The following SACS variants were observed in gnomAD, a reference collection of about 807,000 sequenced individuals.
SACS encodes sacsin molecular chaperone.
SACS carries 197 observed loss-of-function variants against 348.0 expected under a neutral mutation model. The observed-to-expected ratio is 0.57, with a 90% confidence interval of 0.50 to 0.64. SACS has a LOEUF of 0.64. SACS is among the 30% of genes least tolerant of loss of function. SACS has a pLI of 0.00. For synonymous variants in SACS, 1,985 were observed against 1,910.6 expected (o/e 1.04, Z -1.02); for missense variants, 4,999 against 5,360.8 (o/e 0.93, Z 2.11).
chr13:23,343,933 A>G (rs1443595727), intron 9 of SACS, among the ~76,000 whole-genome samples: 7 of 152,202 alleles, frequency 4.6e-5, no homozygotes, highest in Non-Finnish European at 1.0e-4. Flanking sequence ...CAACTTTAGG[A>G]AGGTGTCAAT....
At chr13:23,373,900 C>A (rs1871567021) in intron 3 of SACS, 1 of 153,084 alleles carries the variant, frequency 6.5e-6, no homozygotes, top group South Asian at 2.0e-4. Context: ...CATCAGGAGC[C>A]TCCTCTGCAA....
intron 1 of SACS, among the ~76,000 whole-genome samples, chr13:23,412,436 C>T: frequency 7.6e-6 from 1 of 131,226 alleles, no homozygotes; most frequent in Admixed American, 8.5e-5. Context: ...TTCTCTGAGA[C>T]AGAGCCTCCC....
chr13:23,334,845 T>C lies in SACS; in HGVS notation c.9031A>G (p.Ile3011Val), dbSNP rs377657177. The change falls in exon 10 of 10, where the codon ATA becomes GTA. Residue 3011 changes from isoleucine to valine, a missense_variant. By Grantham distance (29) the Ile-to-Val change is conservative. This residue lies in a region of SACS where 734 missense variants were observed against 694.0 expected (regional missense o/e 1.06). Coordinates refer to ENST00000382292, the MANE Select transcript of SACS (RefSeq NM_014363.6). ...IDGSDLHSAV[I>V]ITWINMSTSN... ...GTAGACATATTGATCCAAGTAATTA[T>C]AACTGCAGAGTGCAAGTCAGAGCCA... is the stretch of plus-strand genomic sequence containing the variant. 6.4e-5 allele frequency: 104 copies of C among 1,613,742 alleles called. No individual in the cohort carries two copies. The highest frequency in any genetic ancestry group is 8.2e-5 in the Non-Finnish European group (97 of 1,179,840).
chr13:23,337,796 A>G lies in SACS; in HGVS notation c.6080T>C (p.Val2027Ala). 6.2e-7 allele frequency: 1 copy of G among 1,613,970 alleles called. No homozygotes were observed. The highest frequency in any genetic ancestry group is 8.5e-7 in the Non-Finnish European group (1 of 1,179,960). ...KKTGSKNLCA[V>A]ELPSSVKLGF... ...TAATTTTACCGAAGAAGGAAGTTCA[A>G]CAGCACAAAGGTTTTTGGACCCAGT... The change falls in exon 10 of 10, where the codon GTT (valine) becomes GCT (alanine). Residue 2027 changes from valine (V) to alanine (A), a missense_variant. By Grantham distance (64) the Val-to-Ala change is moderately conservative. Coordinates refer to ENST00000382292, the MANE Select transcript of SACS (RefSeq NM_014363.6).
Position 23,358,342 on chromosome 13 carries a change from A to G in SACS, c.597T>C (p.His199=), listed in dbSNP as rs768182064. The change falls in exon 7 of 10, where the codon CAT becomes CAC. Residue 199 remains histidine, a synonymous_variant. Transcript: ENST00000382292. ...RFGIGFNSVY[H]ITDVPCIFSG... ...AAAAGCCTAATACTCTACCTGTTAT[A>G]TGATAGACAGAATTAAACCCAATTC... 2 of 1,613,930 alleles carry G rather than the reference A, an allele frequency of 1.2e-6. No homozygotes were observed. The highest frequency in any genetic ancestry group is 1.7e-6 in the Non-Finnish European group (2 of 1,179,770).
intron 1 of SACS, among the ~76,000 whole-genome samples, chr13:23,413,316 G>A (rs911926239): frequency 6.6e-6 from 1 of 152,166 alleles, no homozygotes; most frequent in Admixed American, 6.5e-5. Context: ...AGGGACACAT[G>A]AGACTGCACT....
Position 23,334,281 on chromosome 13 carries a change from T to G in SACS, c.9595A>C (p.Ile3199Leu). Residue 3199 changes from isoleucine to leucine, a missense_variant, in exon 10 of 10, where the codon ATT (isoleucine) becomes CTT (leucine). Around this residue, in one of 6 missense-constraint regions of SACS, gnomAD observed 734 missense variants for 694.0 expected, o/e 1.06. Transcript: ENST00000382292. ...MNTLYLKYSNILLNCKVAKVF... is the reference protein window; with the variant it reads ...MNTLYLKYSNLLLNCKVAKVF... ...TTTGCAACTTTACAGTTCAATAAAA[T>G]ATTACTATATTTCAAATATAATGTA... 6.2e-7 allele frequency: 1 copy of G among 1,602,406 alleles called. No individual in the cohort carries two copies. Among genetic ancestry groups the G allele is most frequent in the Non-Finnish European group, 8.5e-7 (1 of 1,174,026 alleles).
chr13:23,401,217 G>C (rs1004268072), intron 2 of SACS, among the ~76,000 whole-genome samples: 20 of 152,178 alleles, frequency 1.3e-4, no homozygotes, highest in African/African-American at 4.8e-4. Context: ...GAAAACTCAA[G>C]CTGGGAACTG....
chr13:23,358,614 C>T, intron 6 of SACS, 133 bp from the exon 7 acceptor site: 1 of 879,858 alleles, frequency 1.1e-6, no homozygotes, highest in Non-Finnish European at 1.8e-6. Flanking sequence ...GACTGAATTC[C>T]ACACTATAAT....
Position 23,330,799 on chromosome 13 carries a change from G to C in SACS, c.13077C>G (p.Ile4359Met). ...GAAAAGCCTGTTTTTCTAATCTGTTGATTTCATTCTGCAAATGTTTAAAAA... is the reference window on the plus strand; with the variant it reads ...GAAAAGCCTGTTTTTCTAATCTGTTCATTTCATTCTGCAAATGTTTAAAAA... ...NEVFKHLQNE[I>M]NRLEKQAFLD... Residue 4359 changes from isoleucine to methionine, a missense_variant, in exon 10 of 10, where the codon ATC becomes ATG. Ile to Met is a conservative substitution (Grantham distance 10). This residue lies in a region of SACS where 254 missense variants were observed against 275.1 expected (regional missense o/e 0.92). Transcript: ENST00000382292. The C allele has an allele frequency of 6.2e-7, 1 of 1,613,982 alleles. No homozygotes were observed. The highest frequency in any genetic ancestry group is 8.5e-7 in the Non-Finnish European group (1 of 1,179,962).
At chr13:23,418,060 CA>C (rs34026983) in intron 1 of SACS, among the ~76,000 whole-genome samples, 43,676 of 118,958 alleles carry the variant, frequency 0.37, 6,755 homozygotes, top group Middle Eastern at 0.42. Flanking sequence ...GATTCTGTCT[CA>C]AAAAAAAAAA....
Position 23,371,145 on chromosome 13 carries a change from A to G in SACS, c.192T>C (p.Ile64=). 6.2e-7 allele frequency: 1 copy of G among 1,611,380 alleles called. No individual in the cohort carries two copies. The highest frequency in any genetic ancestry group is 2.2e-5 in the East Asian group (1 of 44,832). The change falls in exon 4 of 10, where the codon ATT becomes ATC. Residue 64 remains isoleucine (I), a synonymous_variant. Coordinates refer to ENST00000382292, the MANE Select transcript of SACS (RefSeq NM_014363.6). ...GGRELSDWIK[I]GDLTSKNCHL... ...GACAATTTTTGGAAGTCAGATCTCC[A>G]ATCTTGATCCAGTCAGATAACTGAA... is the stretch of plus-strand genomic sequence containing the variant.
chr13:23,394,469 A>G (rs895108879), intron 2 of SACS, among the ~76,000 whole-genome samples: 2 of 152,190 alleles, frequency 1.3e-5, no homozygotes, highest in Non-Finnish European at 2.9e-5. Context: ...TTGTGTAGCA[A>G]TAGCCCTAAA....
At position 23,339,955 on chromosome 13, in the gene SACS, T is replaced by A; in HGVS notation, c.3921A>T (p.Val1307=). The change falls in exon 10 of 10, where the codon GTA becomes GTT. Residue 1307 remains valine, a synonymous_variant. Transcript: ENST00000382292. ...DLDLQPYLHN[V]PKTMAKFHQL... ...GGTGGAATTTTGCCATGGTTTTAGG[T>A]ACATTATGCAAATAAGGCTGAAGGT... 6.2e-7 allele frequency: 1 copy of A among 1,613,928 alleles called. No individual in the cohort carries two copies. Among genetic ancestry groups the A allele is most frequent in the Middle Eastern group, 1.7e-4 (1 of 6,060 alleles).
intron 7 of SACS, among the ~76,000 whole-genome samples, chr13:23,357,704 A>G (rs1279198668): frequency 2.6e-5 from 4 of 152,174 alleles, no homozygotes; most frequent in Non-Finnish European, 5.9e-5. Flanking sequence ...ATTCTACAAG[A>G]GCCATATACT....
chr13:23,345,053 A>T (rs1184016779), intron 9 of SACS, among the ~76,000 whole-genome samples: 1 of 152,210 alleles, frequency 6.6e-6, no homozygotes, highest in Non-Finnish European at 1.5e-5. Context: ...TACTACATTC[A>T]ACCAGACTCC....
chr13:23,413,126 C>G (rs1399140782), intron 1 of SACS, among the ~76,000 whole-genome samples: 2 of 152,182 alleles, frequency 1.3e-5, no homozygotes, highest in African/African-American at 4.8e-5. Flanking sequence ...TACAAGCAAG[C>G]ACCACCACGC....
chr13:23,329,512 T>A lies in SACS; in HGVS notation c.*624A>T, dbSNP rs376360861. ...GTAAACATAAGATGTTAAAAAAAAA[T>A]TTAAATAAAGATGTAAAGTGCACTC... On this transcript the variant is annotated 3_prime_UTR_variant, in exon 10 of 10. Transcript: ENST00000382292. The A allele has an allele frequency of 5.2e-4, 378 of 724,292 alleles. 1 individual carries two copies. The African/African-American group carries it at 6.1e-3, about 12-fold the overall frequency. 44.9% of individuals were successfully genotyped at this position (724,292 alleles called of 1,614,324 possible).
At position 23,336,860 on chromosome 13, in the gene SACS, T is replaced by A. The variant is rs557648891; in HGVS notation, c.7016A>T (p.Asp2339Val). ...QNEITKMSIIDKLKPFSFILV... is the reference protein window; with the variant it reads ...QNEITKMSIIVKLKPFSFILV... ...AATGAAGCTAAAGGGTTTTAACTTA[T>A]CAATAATTGACATCTTAGTGATTTC... The change falls in exon 10 of 10, where the codon GAT becomes GTT. Residue 2339 changes from aspartate (D) to valine (V), a missense_variant. Coordinates refer to ENST00000382292, the MANE Select transcript of SACS (RefSeq NM_014363.6). 2 of 1,613,546 alleles carry A rather than the reference T, an allele frequency of 1.2e-6. No homozygotes were observed. Among genetic ancestry groups the A allele is most frequent in the East Asian group, 4.5e-5 (2 of 44,870 alleles).
Sources: gnomAD v4.1 joint callset for allele counts (sites outside exome capture counted in the v4.1 genomes callset) on GRCh38, gnomAD v4.1.1 for gene constraint, gnomAD v4.1.1 regional missense constraint, MANE v1.5 for transcripts, NCBI Gene and HGNC (gene_info 2026-07-23, HGNC 2026-07-21) for gene names.